Variants in CLOCK observed in about 807,000 individuals in gnomAD.
CLOCK encodes clock circadian regulator, also known as circadian locomoter output cycles protein kaput.
A neutral mutation model predicts 118.4 loss-of-function variants in CLOCK; 43 were observed. That is an observed-to-expected ratio of 0.36 (90% CI 0.28 to 0.47). The LOEUF (loss-of-function observed/expected upper bound fraction) is 0.47. Ranked by LOEUF, CLOCK falls within the 20% of genes least tolerant of loss-of-function variation. The pLI is 1.00. For synonymous variants in CLOCK, 326 were observed against 339.2 expected (o/e 0.96, Z 0.43); for missense variants, 846 against 999.9 (o/e 0.85, Z 2.08).
rs1225054129 is a variant in CLOCK at position 55,429,939 on chromosome 4, G to A, written c.*5476C>T. On this transcript the variant is annotated 3_prime_UTR_variant, in exon 23 of 23. Coordinates refer to ENST00000513440, the MANE Select transcript of CLOCK (RefSeq NM_004898.4). Reference sequence around the variant, plus strand: ...ACTGTCCGTAAAGATTATCATGAGAGTTGGTGACTGCACCCCAAATCAGAG... The same window carrying A: ...ACTGTCCGTAAAGATTATCATGAGAATTGGTGACTGCACCCCAAATCAGAG... 1 of 152,178 alleles carries A rather than the reference G, an allele frequency of 6.6e-6. No homozygotes were observed. The highest frequency in any genetic ancestry group is 1.5e-5 in the Non-Finnish European group (1 of 68,024). The allele number at this position is 152,178 out of a possible 1,614,324, so 9.4% of individuals were successfully genotyped here.
intron 7 of CLOCK, 128 bp downstream of exon 7, chr4:55,475,835 A>G (rs1726473945): frequency 2.9e-6 from 2 of 679,494 alleles, no homozygotes; most frequent in Admixed American, 2.1e-5. Context: ...TTTTACTGAA[A>G]TATTAGCTTT....
At chr4:55,460,443 G>C (rs1725251884) in intron 9 of CLOCK, among the ~76,000 whole-genome samples, 1 of 152,162 alleles carries the variant, frequency 6.6e-6, no homozygotes, top group Admixed American at 6.5e-5. Flanking sequence ...TTTCTTTCAA[G>C]CTCCCTTCGT....
intron 1 of CLOCK, among the ~76,000 whole-genome samples, chr4:55,522,510 A>C (rs571512429): frequency 5.3e-5 from 8 of 152,152 alleles, no homozygotes; most frequent in African/African-American, 1.9e-4. Flanking sequence ...TTTTTAAAAA[A>C]AAAAGAAGCA....
At chr4:55,515,856 T>C (rs1729477227) in intron 1 of CLOCK, among the ~76,000 whole-genome samples, 1 of 152,218 alleles carries the variant, frequency 6.6e-6, no homozygotes, top group Non-Finnish European at 1.5e-5. Context: ...GCATATTTTG[T>C]TAAGTTGTTT....
At position 55,448,643 on chromosome 4, in the gene CLOCK, T is replaced by TGC. The variant is rs1180306682; in HGVS notation, c.1539+134_1539+135dup. ...GTGTGTGTGTGTGTGTGTGTGTGTG[T>TGC]GCTCCTACCTCAGCCTCCCAAGTAG... On this transcript the variant is annotated intron_variant, in intron 18 of 22. Coordinates refer to ENST00000513440, the MANE Select transcript of CLOCK (RefSeq NM_004898.4). The TGC allele has an allele frequency of 1.7e-3, 996 of 579,274 alleles. 6 individuals carry two copies. Among genetic ancestry groups the TGC allele is most frequent in the Middle Eastern group, 5.9e-3 (15 of 2,540 alleles). The allele number at this position is 579,274 out of a possible 1,614,324, so 35.9% of individuals were successfully genotyped here. A position where few individuals can be genotyped will look rare whatever the true frequency, so the allele number is the denominator to read the frequency against.
chr4:55,470,571 T>C lies in CLOCK; in HGVS notation c.438+146A>G, dbSNP rs917055974. The C allele has an allele frequency of 1.8e-5, 11 of 609,386 alleles. No homozygotes were observed. In the Middle Eastern group the frequency reaches 7.8e-4, roughly 43 times the overall value. 37.7% of individuals were successfully genotyped at this position (609,386 alleles called of 1,614,324 possible). A position where few individuals can be genotyped will look rare whatever the true frequency, so the allele number is the denominator to read the frequency against. ...GTTATGACTGAGCTGAGAAAACACA[T>C]GCTGAAACAAAGACATACTTAGAGC... On this transcript the variant is annotated intron_variant, in intron 8 of 22. Transcript: ENST00000513440.
At chr4:55,505,054 A>G (rs1728711347) in intron 2 of CLOCK, among the ~76,000 whole-genome samples, 1 of 151,750 alleles carries the variant, frequency 6.6e-6, no homozygotes, top group Non-Finnish European at 1.5e-5. Context: ...ATGGTGGCAC[A>G]CACCTGTAGT....
intron 20 of CLOCK, 74 bp from the exon 21 acceptor site, chr4:55,442,708 A>C: frequency 2.4e-6 from 3 of 1,253,692 alleles, no homozygotes; most frequent in Non-Finnish European, 3.4e-6. Context: ...AGAATTCATC[A>C]TTCTAACAAT....
At chr4:55,524,625 C>T (rs1730056194) in intron 1 of CLOCK, among the ~76,000 whole-genome samples, 1 of 151,974 alleles carries the variant, frequency 6.6e-6, no homozygotes, top group Non-Finnish European at 1.5e-5. Context: ...TTAAATTATA[C>T]CTACTACTTA....
At chr4:55,539,376 A>G (rs1731105910) in intron 1 of CLOCK, among the ~76,000 whole-genome samples, 1 of 152,046 alleles carries the variant, frequency 6.6e-6, no homozygotes, top group African/African-American at 2.4e-5. Context: ...GAGTTCAAGA[A>G]CAGCCGGGGC....
At chr4:55,445,045 A>G (rs1191819177) in intron 18 of CLOCK, among the ~76,000 whole-genome samples, 2 of 146,320 alleles carry the variant, frequency 1.4e-5, no homozygotes, top group Non-Finnish European at 3.0e-5. Context: ...CTGCCAAGAA[A>G]GTGCTCAACT....
chr4:55,499,543 G>A (rs1197994478), intron 2 of CLOCK, among the ~76,000 whole-genome samples: 3 of 152,210 alleles, frequency 2.0e-5, no homozygotes, highest in African/African-American at 4.8e-5. Context: ...CAGGGTTCAC[G>A]CTCCTATGAG....
At chr4:55,540,439 T>C (rs925194565) in intron 1 of CLOCK, 13 of 152,036 alleles carry the variant, frequency 8.6e-5, no homozygotes, top group Admixed American at 5.9e-4. Flanking sequence ...CTCTTTACAT[T>C]AAACCATATT....
intron 3 of CLOCK, among the ~76,000 whole-genome samples, chr4:55,483,454 G>A (rs1457952120): frequency 6.6e-6 from 1 of 152,170 alleles, no homozygotes; most frequent in Non-Finnish European, 1.5e-5. Flanking sequence ...ATGGTGCAGG[G>A]ATGGGCAGCA....
chr4:55,490,076 G>A (rs1727569069), intron 2 of CLOCK, among the ~76,000 whole-genome samples: 1 of 148,286 alleles, frequency 6.7e-6, no homozygotes, highest in Non-Finnish European at 1.5e-5. Flanking sequence ...CAAAATACAT[G>A]GAGTGGCTGA....
intron 1 of CLOCK, among the ~76,000 whole-genome samples, chr4:55,539,982 G>A (rs1380014387): frequency 6.6e-6 from 1 of 150,664 alleles, no homozygotes. Context: ...CAGCACTTTC[G>A]GTGGTATGAT....
intron 8 of CLOCK, among the ~76,000 whole-genome samples, chr4:55,468,321 T>G (rs1045247441): frequency 4.6e-5 from 7 of 152,200 alleles, no homozygotes; most frequent in African/African-American, 1.7e-4. Flanking sequence ...AGCTCCATCT[T>G]CAATAACATC....
chr4:55,517,733 G>A (rs574181652), intron 1 of CLOCK, among the ~76,000 whole-genome samples: 3 of 152,260 alleles, frequency 2.0e-5, no homozygotes, highest in African/African-American at 7.2e-5. Flanking sequence ...TGGGCCTAGA[G>A]ATATCTTTTT....
chr4:55,509,471 T>G (rs755958731), intron 2 of CLOCK, among the ~76,000 whole-genome samples: 1 of 152,138 alleles, frequency 6.6e-6, no homozygotes, highest in African/African-American at 2.4e-5. Flanking sequence ...CTGAATAAAT[T>G]TGGTGGTGTG....
Sources: gnomAD v4.1 joint callset for allele counts (sites outside exome capture counted in the v4.1 genomes callset) on GRCh38, gnomAD v4.1.1 for gene constraint, MANE v1.5 for transcripts, NCBI Gene and HGNC (gene_info 2026-07-23, HGNC 2026-07-21) for gene names.